VGLL4: variants seen among roughly 807,000 people sequenced by gnomAD.
The protein encoded by VGLL4 is vestigial like family member 4, also known as transcription cofactor vestigial-like protein 4.
In VGLL4, 7 loss-of-function variants were observed where a neutral mutation model predicts 21.0. That is an observed-to-expected ratio of 0.33 (90% CI 0.19 to 0.63). VGLL4 has a LOEUF of 0.63. VGLL4 is among the 20% of genes least tolerant of loss of function. The pLI, the probability that VGLL4 is intolerant of heterozygous loss-of-function variation, is 0.78. For missense variants in VGLL4, 394 were observed against 425.7 expected (o/e 0.93, Z 0.66); for synonymous variants, 222 against 173.2 (o/e 1.28, Z -2.21).
chr3:11,689,246 T>A (rs2076492469), intron 2 of VGLL4, among the ~76,000 whole-genome samples: 1 of 152,190 alleles, frequency 6.6e-6, no homozygotes, highest in Non-Finnish European at 1.5e-5. Flanking sequence ...TCAATGTTTC[T>A]TGGCCTCAGC....
intron 3 of VGLL4, among the ~76,000 whole-genome samples, chr3:11,563,640 G>A (rs1273881798): frequency 1.3e-5 from 2 of 152,168 alleles, no homozygotes; most frequent in African/African-American, 2.4e-5. Flanking sequence ...ACTTGGCCTC[G>A]GGTTCCATCA....
At position 11,628,478 on chromosome 3, in the gene VGLL4, A is replaced by G. The variant is rs1471950384; in HGVS notation, c.82+14959T>C. On this transcript the variant is annotated intron_variant, in intron 1 of 4. Coordinates refer to ENST00000430365, the MANE Select transcript of VGLL4 (RefSeq NM_001128219.3). Reference sequence around the variant, plus strand: ...GACTAAAAAATAAAATTTATCAAAAAAAGTTTAAATGTTTTCCCAAATATG... The same window carrying G: ...GACTAAAAAATAAAATTTATCAAAAGAAGTTTAAATGTTTTCCCAAATATG... 6.6e-5 allele frequency among the ~76,000 whole-genome samples: 10 copies of G among 152,240 alleles called. 1 individual carries two copies. Among genetic ancestry groups the G allele is most frequent in the Non-Finnish European group, 1.5e-5 (1 of 68,044 alleles).
Position 11,643,631 on chromosome 3 carries a change from G to T in VGLL4, c.-113C>A. 2 of 1,553,834 alleles carry T rather than the reference G, an allele frequency of 1.3e-6. No individual in the cohort carries two copies. The highest frequency in any genetic ancestry group is 2.0e-5 in the Admixed American group (1 of 50,906). ...GCTCTTCAACTTCACAAAGGCAGAG[G>T]CCCAGCCTCAGACTATCAAAACAAA... On this transcript the variant is annotated 5_prime_UTR_variant, in exon 1 of 5. Coordinates refer to ENST00000430365, the MANE Select transcript of VGLL4 (RefSeq NM_001128219.3).
chr3:11,666,042 A>G (rs1179227761), intron 2 of VGLL4, among the ~76,000 whole-genome samples: 2 of 152,078 alleles, frequency 1.3e-5, no homozygotes, highest in Non-Finnish European at 2.9e-5. Flanking sequence ...CGAGGTCAGG[A>G]GATCGAGACC....
At chr3:11,622,846 T>C (rs939234387) in intron 1 of VGLL4, among the ~76,000 whole-genome samples, 1 of 152,178 alleles carries the variant, frequency 6.6e-6, no homozygotes, top group Admixed American at 6.5e-5. Flanking sequence ...GAGAGACAGA[T>C]GTGAGCTCAT....
chr3:11,577,158 G>A (rs2074077103), intron 2 of VGLL4, among the ~76,000 whole-genome samples: 1 of 152,200 alleles, frequency 6.6e-6, no homozygotes, highest in Non-Finnish European at 1.5e-5. Flanking sequence ...CAACCCCCTA[G>A]AAACGAGTGG....
At chr3:11,678,264 C>G (rs1253422340) in intron 2 of VGLL4, among the ~76,000 whole-genome samples, 1 of 152,122 alleles carries the variant, frequency 6.6e-6, no homozygotes, top group Non-Finnish European at 1.5e-5. Flanking sequence ...CTATGTTGGC[C>G]AGGCTGGTCT....
intron 2 of VGLL4, among the ~76,000 whole-genome samples, chr3:11,572,329 G>A (rs1189405690): frequency 1.3e-5 from 2 of 152,234 alleles, no homozygotes; most frequent in Non-Finnish European, 1.5e-5. Flanking sequence ...CTAGTACAAC[G>A]ATTCCAATAT....
chr3:11,570,989 CGGGAAGTGA>C (rs2073751789), intron 2 of VGLL4, among the ~76,000 whole-genome samples: 1 of 152,154 alleles, frequency 6.6e-6, no homozygotes, highest in South Asian at 2.1e-4. Flanking sequence ...CAATTTTAGA[CGGGAAGTGA>C]GGGAAGTGGT....
rs139128216 is a variant in VGLL4, at chr3:11,715,616, G to A, written c.-14+4778C>T. Among the ~76,000 whole-genome samples the A allele has an allele frequency of 3.4e-3, 525 of 152,220 alleles. 3 individuals carry two copies. The highest frequency in any genetic ancestry group is 0.012 in the African/African-American group (514 of 41,538). Reference sequence around the variant, plus strand: ...CCCAAAGTGCTGGGATTATAGGTGTGAGCCACCGGGCCCGGCCCAGTTCTT... The same window carrying A: ...CCCAAAGTGCTGGGATTATAGGTGTAAGCCACCGGGCCCGGCCCAGTTCTT... On this transcript the variant is annotated intron_variant, in intron 1 of 5. Transcript: ENST00000273038.
chr3:11,686,010 A>G (rs1297910236), intron 2 of VGLL4, among the ~76,000 whole-genome samples: 1 of 152,228 alleles, frequency 6.6e-6, no homozygotes, highest in African/African-American at 2.4e-5. Context: ...GCTTACTAGG[A>G]TAGCTACTAT....
intron 2 of VGLL4, among the ~76,000 whole-genome samples, chr3:11,572,817 T>C (rs531076425): frequency 1.7e-3 from 254 of 152,316 alleles, no homozygotes; most frequent in Non-Finnish European, 3.1e-3. Flanking sequence ...CCACTGCATA[T>C]GTACCCGTTC....
intron 2 of VGLL4, among the ~76,000 whole-genome samples, chr3:11,579,947 T>A (rs1468265160): frequency 6.6e-6 from 1 of 152,224 alleles, no homozygotes; most frequent in East Asian, 1.9e-4. Context: ...GTATGGAATA[T>A]AAAGGATTCA....
chr3:11,660,531 C>G (rs1476525186), intron 2 of VGLL4, among the ~76,000 whole-genome samples: 1 of 152,214 alleles, frequency 6.6e-6, no homozygotes, highest in Non-Finnish European at 1.5e-5. Context: ...TGGATTCCCA[C>G]TTGCTATGAA....
At chr3:11,584,397 A>T (rs1218242608) in intron 2 of VGLL4, among the ~76,000 whole-genome samples, 1 of 152,184 alleles carries the variant, frequency 6.6e-6, no homozygotes. Flanking sequence ...GAAACTTGCA[A>T]ATATTATATA....
At position 11,642,000 on chromosome 3, in the gene VGLL4, T is replaced by C. The variant is rs192505837; in HGVS notation, c.82+1437A>G. 5.3e-5 allele frequency among the ~76,000 whole-genome samples: 8 copies of C among 151,498 alleles called. No homozygotes were observed. In the East Asian group the frequency reaches 1.5e-3, roughly 29 times the overall value. ...AATTGCCTCAGAAGTTTTTCTTTCT[T>C]GTTGGGGGAAGCGGGGATGGTTAAA... is the stretch of plus-strand genomic sequence containing the variant. On this transcript the variant is annotated intron_variant, in intron 1 of 4. Coordinates refer to ENST00000430365, the MANE Select transcript of VGLL4 (RefSeq NM_001128219.3).
chr3:11,587,890 C>T (rs2074396384), intron 2 of VGLL4, among the ~76,000 whole-genome samples: 1 of 152,208 alleles, frequency 6.6e-6, no homozygotes, highest in Non-Finnish European at 1.5e-5. Context: ...GATGAGATCA[C>T]GTGCCGTGAA....
chr3:11,643,896 A>G lies in VGLL4; in HGVS notation c.-378T>C. 1 of 1,029,336 alleles carries G rather than the reference A, an allele frequency of 9.7e-7. No homozygotes were observed. The highest frequency in any genetic ancestry group is 1.2e-6 in the Non-Finnish European group (1 of 857,100). The allele number at this position is 1,029,336 out of a possible 1,614,324, so 63.8% of individuals were successfully genotyped here. On this transcript the variant is annotated 5_prime_UTR_variant, in exon 1 of 5. Coordinates refer to ENST00000430365, the MANE Select transcript of VGLL4 (RefSeq NM_001128219.3). ...CTCTCACAGCCCGCTGCAAGCCGGC[A>G]GCGCTGACATGAGGGCTATGCTTGG...
At chr3:11,640,120 T>C (rs761399628) in intron 1 of VGLL4, among the ~76,000 whole-genome samples, 2 of 152,184 alleles carry the variant, frequency 1.3e-5, no homozygotes, top group Non-Finnish European at 2.9e-5. Context: ...CAAGGCAGTA[T>C]ATAATCAAGT....
Sources: gnomAD v4.1 joint callset for allele counts (sites outside exome capture counted in the v4.1 genomes callset) on GRCh38, gnomAD v4.1.1 for gene constraint, MANE v1.5 for transcripts, NCBI Gene and HGNC (gene_info 2026-07-23, HGNC 2026-07-21) for gene names.